Variants in HS3ST5 observed in about 807,000 individuals in gnomAD.
HS3ST5 encodes heparan sulfate glucosamine 3-O-sulfotransferase 5.
Under a neutral mutation model 25.4 loss-of-function variants are expected in HS3ST5, and 10 were observed. The ratio of observed to expected loss-of-function variants is 0.39; its 90% CI spans 0.24 to 0.67. HS3ST5 has a LOEUF of 0.67. HS3ST5 is among the 30% of genes least tolerant of loss of function. The pLI is 0.44. For synonymous variants in HS3ST5, 170 were observed against 162.4 expected (o/e 1.05, Z -0.36); for missense variants, 324 against 420.7 (o/e 0.77, Z 2.01).
At chr6:114,065,346 T>C (rs1256831825) in intron 3 of HS3ST5, among the ~76,000 whole-genome samples, 1 of 152,240 alleles carries the variant, frequency 6.6e-6, no homozygotes, top group Non-Finnish European at 1.5e-5. Context: ...GGTTGATGTC[T>C]GAAGTCCTCA....
At chr6:114,259,557 C>T (rs968357194) in intron 1 of HS3ST5, among the ~76,000 whole-genome samples, 1 of 152,222 alleles carries the variant, frequency 6.6e-6, no homozygotes, top group African/African-American at 2.4e-5. Flanking sequence ...ACGTGTACCC[C>T]ACACAGGGTG....
chr6:114,060,012 C>CT (rs920623918), intron 4 of HS3ST5, among the ~76,000 whole-genome samples: 1 of 141,362 alleles, frequency 7.1e-6, no homozygotes, highest in Non-Finnish European at 1.6e-5. Flanking sequence ...ATATAGACAA[C>CT]TTTTTTTTCT....
At chr6:114,234,351 G>A (rs966285009) in intron 1 of HS3ST5, among the ~76,000 whole-genome samples, 5 of 150,080 alleles carry the variant, frequency 3.3e-5, no homozygotes, top group African/African-American at 1.2e-4. Flanking sequence ...AAGAAAAAGA[G>A]CCCTCTTGCA....
Position 114,057,394 on chromosome 6 carries a change from TA to T in HS3ST5, c.903del (p.Phe301LeufsTer43). The T allele has an allele frequency of 6.2e-7, 1 of 1,614,136 alleles. No individual in the cohort carries two copies. The highest frequency in any genetic ancestry group is 8.5e-7 in the Non-Finnish European group (1 of 1,180,016). ...GFYCLRFNII[F>X]NKCLAGSKGR... Reference sequence around the variant, plus strand: ...CCCTTGCTGCCCGCCAGGCACTTATTAAAGATAATATTAAACCGCAAGCAGT... The same window carrying T: ...CCCTTGCTGCCCGCCAGGCACTTATTAAGATAATATTAAACCGCAAGCAGT... On this transcript the variant is annotated frameshift_variant, in exon 5 of 5. Coordinates refer to ENST00000312719, the MANE Select transcript of HS3ST5 (RefSeq NM_153612.4). LOFTEE classifies it high-confidence loss of function.
rs140841718 is a variant in HS3ST5 at position 114,335,948 on chromosome 6, G to A, written c.-339+6247C>T. On this transcript the variant is annotated intron_variant, in intron 1 of 4. Transcript: ENST00000312719. Reference sequence around the variant, plus strand: ...ATTACAGGCGTGAGCCACCGCGCCCGGCCCCAAAAGCCTCCTTTTAATTTC... The same window carrying A: ...ATTACAGGCGTGAGCCACCGCGCCCAGCCCCAAAAGCCTCCTTTTAATTTC... Among the ~76,000 whole-genome samples, 531 of 151,306 alleles carry A rather than the reference G, an allele frequency of 3.5e-3. 2 individuals are homozygous for A. The highest frequency in any genetic ancestry group is 0.012 in the African/African-American group (479 of 41,226).
intron 3 of HS3ST5, among the ~76,000 whole-genome samples, chr6:114,085,666 A>G (rs1774756536): frequency 6.6e-6 from 1 of 152,200 alleles, no homozygotes; most frequent in Admixed American, 6.5e-5. Context: ...TCTCACAGCA[A>G]TAGCCACTTG....
rs779847394 is a variant in HS3ST5 at position 114,058,100 on chromosome 6, G to T, written c.198C>A (p.Gly66=). ...TGCCCTTCCGGAACTCGTGCAGCAGGCCACGCTTAAACTGCAGGGCGCGAA... is the reference window on the plus strand; with the variant it reads ...TGCCCTTCCGGAACTCGTGCAGCAGTCCACGCTTAAACTGCAGGGCGCGAA... ...FPLRALQFKR[G]LLHEFRKGNA... The change falls in exon 5 of 5, where the codon GGC becomes GGA. Residue 66 remains glycine (G), a synonymous_variant. Transcript: ENST00000312719. The T allele has an allele frequency of 6.2e-7, 1 of 1,614,014 alleles. No individual in the cohort carries two copies. Among genetic ancestry groups the T allele is most frequent in the East Asian group, 2.2e-5 (1 of 44,898 alleles).
At chr6:114,133,434 G>A (rs1048355908) in intron 3 of HS3ST5, among the ~76,000 whole-genome samples, 3 of 152,160 alleles carry the variant, frequency 2.0e-5, no homozygotes, top group Non-Finnish European at 4.4e-5. Flanking sequence ...GTGTGTGCAC[G>A]TATATACACA....
chr6:114,284,955 T>C (rs937344911), intron 1 of HS3ST5, among the ~76,000 whole-genome samples: 2 of 152,036 alleles, frequency 1.3e-5, no homozygotes, highest in Non-Finnish European at 2.9e-5. Context: ...ATATGACCCA[T>C]TATCTAAGGG....
At chr6:114,105,561 T>C (rs975750039) in intron 3 of HS3ST5, among the ~76,000 whole-genome samples, 4 of 152,216 alleles carry the variant, frequency 2.6e-5, no homozygotes, top group African/African-American at 7.2e-5. Flanking sequence ...GTAACCACAG[T>C]AACATTTTCT....
chr6:114,204,217 G>A (rs1197092564), intron 2 of HS3ST5, among the ~76,000 whole-genome samples: 5 of 152,158 alleles, frequency 3.3e-5, no homozygotes, highest in African/African-American at 9.7e-5. Flanking sequence ...TCATAGGTCT[G>A]GATCTGAGGC....
chr6:114,218,331 G>A (rs1392165942), intron 2 of HS3ST5, among the ~76,000 whole-genome samples: 2 of 152,152 alleles, frequency 1.3e-5, no homozygotes, highest in Non-Finnish European at 2.9e-5. Flanking sequence ...TTTCCTGTAA[G>A]TGATGACTCT....
At chr6:114,078,521 C>G (rs1774268701) in intron 3 of HS3ST5, among the ~76,000 whole-genome samples, 2 of 152,114 alleles carry the variant, frequency 1.3e-5, no homozygotes, top group Admixed American at 1.3e-4. Flanking sequence ...AAAATACTAT[C>G]CATTTGTATA....
intron 3 of HS3ST5, among the ~76,000 whole-genome samples, chr6:114,068,140 A>C (rs1773575502): frequency 6.6e-6 from 1 of 152,192 alleles, no homozygotes; most frequent in Non-Finnish European, 1.5e-5. Flanking sequence ...TTTAAAGTAT[A>C]AATAACTTTT....
At chr6:114,197,165 T>C (rs1208265724) in intron 2 of HS3ST5, among the ~76,000 whole-genome samples, 3 of 151,714 alleles carry the variant, frequency 2.0e-5, no homozygotes, top group Non-Finnish European at 2.9e-5. Flanking sequence ...AGTACTTTAT[T>C]TTTTGAATAG....
At chr6:114,178,768 T>A (rs1159300278) in intron 2 of HS3ST5, 1 of 152,138 alleles carries the variant, frequency 6.6e-6, no homozygotes, top group African/African-American at 2.4e-5. Flanking sequence ...TAAAGCTTTC[T>A]TTTCAAAGGG....
At chr6:114,210,778 G>C (rs542319298) in intron 2 of HS3ST5, among the ~76,000 whole-genome samples, 1 of 152,284 alleles carries the variant, frequency 6.6e-6, no homozygotes, top group Admixed American at 6.5e-5. Context: ...CAGACATCTT[G>C]GTCATAGTTA....
chr6:114,159,317 T>C (rs1043016721), intron 3 of HS3ST5, among the ~76,000 whole-genome samples: 2 of 152,176 alleles, frequency 1.3e-5, no homozygotes, highest in African/African-American at 4.8e-5. Context: ...TTTTTTTCAA[T>C]AACCCCAAAC....
At chr6:114,278,448 C>T (rs1773962697) in intron 1 of HS3ST5, among the ~76,000 whole-genome samples, 1 of 151,678 alleles carries the variant, frequency 6.6e-6, no homozygotes, top group Non-Finnish European at 1.5e-5. Context: ...ATAGTGAAGT[C>T]CAACAAAATA....
Sources: allele counts gnomAD v4.1 joint callset (sites outside exome capture counted in the v4.1 genomes callset), GRCh38; gene constraint gnomAD v4.1.1; transcripts MANE v1.5; gene names NCBI Gene and HGNC (gene_info 2026-07-23, HGNC 2026-07-21).